Variants in WIPI2 observed in about 807,000 individuals in gnomAD.
The protein encoded by WIPI2 is WD repeat domain, phosphoinositide interacting 2, also known as WD repeat domain phosphoinositide-interacting protein 2.
Under a neutral mutation model 52.3 loss-of-function variants are expected in WIPI2, and 28 were observed. That is an observed-to-expected ratio of 0.54 (90% CI 0.40 to 0.73). The LOEUF (loss-of-function observed/expected upper bound fraction) is 0.73. Among genes scored for constraint, WIPI2 ranks in the 30% least tolerant of loss-of-function variants. The pLI, the probability that WIPI2 is intolerant of heterozygous loss-of-function variation, is 0.00. For missense variants in WIPI2, 506 were observed against 602.9 expected, an observed-to-expected ratio of 0.84 and a Z score of 1.68; for synonymous variants, 268 against 245.0, an observed-to-expected ratio of 1.09 and a Z score of -0.88.
intron 8 of WIPI2, chr7:5,222,900 G>C (rs1783214354): frequency 2.2e-6 from 1 of 456,232 alleles, no homozygotes; most frequent in Non-Finnish European, 4.0e-6. Context: ...GCTAGCGTGA[G>C]AGTTGTGAAG....
At chr7:5,225,679 G>T (rs1783393190) in intron 8 of WIPI2, 144 bp from the exon 9 acceptor site, 6 of 597,406 alleles carry the variant, frequency 1.0e-5, no homozygotes, top group Middle Eastern at 4.3e-4. Context: ...CAAGGAAAAT[G>T]TTTGAGAAGG....
chr7:5,201,862 A>G (rs949815360), intron 3 of WIPI2, among the ~76,000 whole-genome samples: 2 of 152,238 alleles, frequency 1.3e-5, no homozygotes, highest in African/African-American at 2.4e-5. Context: ...TGAAATGGAC[A>G]AAGAATGTTT....
At chr7:5,226,180 C>A in intron 9 of WIPI2, 1 of 464,256 alleles carries the variant, frequency 2.2e-6, no homozygotes. Flanking sequence ...GCATGGAGGG[C>A]CCAGGTGGAC....
intron 3 of WIPI2, 174 bp from the exon 4 acceptor site, chr7:5,214,361 C>A: frequency 6.3e-7 from 1 of 1,590,720 alleles, no homozygotes; most frequent in Non-Finnish European, 8.5e-7. Context: ...TCCAGCGAAT[C>A]AAGACCCTCA....
At chr7:5,204,723 G>A (rs1443536561) in intron 3 of WIPI2, among the ~76,000 whole-genome samples, 1 of 151,454 alleles carries the variant, frequency 6.6e-6, no homozygotes, top group African/African-American at 2.4e-5. Flanking sequence ...ACAGGGTCTC[G>A]CTCTGTCACT....
intron 1 of WIPI2, chr7:5,190,772 C>G (rs1264937003): frequency 6.4e-6 from 2 of 314,868 alleles, no homozygotes; most frequent in African/African-American, 4.4e-5. Flanking sequence ...TGGCTTCAGA[C>G]TTAACTACTT....
At chr7:5,228,299 C>G in intron 11 of WIPI2, 88 bp downstream of exon 11, 2 of 1,249,368 alleles carry the variant, frequency 1.6e-6, no homozygotes, top group Non-Finnish European at 2.2e-6. Flanking sequence ...TATTTCCTTG[C>G]AAACCAGTGA....
At chr7:5,204,312 T>C (rs541947434) in intron 3 of WIPI2, among the ~76,000 whole-genome samples, 30 of 152,076 alleles carry the variant, frequency 2.0e-4, no homozygotes, top group African/African-American at 6.7e-4. Context: ...ACTAAAAATA[T>C]AAAAATTAGC....
rs200878846 is a variant in WIPI2, at chr7:5,199,683, C to T, written c.211+25C>T. 4.5e-6 allele frequency: 7 copies of T among 1,546,916 alleles called. No homozygotes were observed. In the Admixed American group the frequency reaches 8.8e-5, roughly 20 times the overall value. ...AGTAAGTGTTTGCTTTATTTTTCCC[C>T]TTCTTAAAAAAAAAAAAAAAAGTTG... On this transcript the variant is annotated intron_variant, in intron 3 of 12. Transcript: ENST00000288828.
At chr7:5,216,898 T>G in intron 5 of WIPI2, 192 bp from the exon 6 acceptor site, 1 of 710,850 alleles carries the variant, frequency 1.4e-6, no homozygotes, top group Non-Finnish European at 2.3e-6. Context: ...GCCTTTAATC[T>G]CTTGACAATA....
At chr7:5,226,496 A>AT (rs1783440761) in intron 9 of WIPI2, 2 of 154,754 alleles carry the variant, frequency 1.3e-5, no homozygotes, top group African/African-American at 4.8e-5. Context: ...ACCTGGGACT[A>AT]TAGGCGTGCA....
intron 11 of WIPI2, among the ~76,000 whole-genome samples, 162 bp downstream of exon 11, chr7:5,228,373 G>A (rs561792970): frequency 6.4e-4 from 98 of 152,384 alleles, no homozygotes; most frequent in African/African-American, 2.0e-3. Context: ...CGCTTTCCCA[G>A]GTGAAATCAA....
At chr7:5,218,147 C>T (rs760102895) in intron 7 of WIPI2, 133 bp downstream of exon 7, 36 of 888,056 alleles carry the variant, frequency 4.1e-5, no homozygotes, top group Non-Finnish European at 6.1e-5. Context: ...CAGCCACCCA[C>T]TTGTCAGGCC....
intron 3 of WIPI2, among the ~76,000 whole-genome samples, chr7:5,200,479 C>A (rs1781967200): frequency 6.6e-6 from 1 of 152,136 alleles, no homozygotes; most frequent in African/African-American, 2.4e-5. Context: ...GGGATATTGA[C>A]ATCCACCTCT....
At chr7:5,190,588 G>A in intron 1 of WIPI2, 95 bp downstream of exon 1, 1 of 1,233,062 alleles carries the variant, frequency 8.1e-7, no homozygotes, top group Non-Finnish European at 1.0e-6. Context: ...GGCGTCGCAG[G>A]CTCGGCCTCC....
At chr7:5,198,962 A>T (rs1438884670) in intron 2 of WIPI2, among the ~76,000 whole-genome samples, 1 of 152,232 alleles carries the variant, frequency 6.6e-6, no homozygotes, top group African/African-American at 2.4e-5. Flanking sequence ...TTTCAAGCAC[A>T]CAATACCTTA....
intron 5 of WIPI2, 140 bp downstream of exon 5, chr7:5,216,799 CT>C: frequency 1.2e-6 from 1 of 822,220 alleles, no homozygotes; most frequent in South Asian, 1.8e-5. Context: ...ACCAAGCTGC[CT>C]TCCTACTGAT....
chr7:5,227,114 G>T lies in WIPI2; in HGVS notation c.849-66G>T. ...CGGCTCCAGAGCTGTGCGTCTGTGT[G>T]AGTAGGGGGTGGCCGTCCCCCCAGG... is the stretch of plus-strand genomic sequence containing the variant. On this transcript the variant is annotated intron_variant, in intron 9 of 12. Transcript: ENST00000288828. The surrounding 1 kb of genome is among the most constrained non-coding windows in gnomAD (Gnocchi z 8.1). 6.3e-7 allele frequency: 1 copy of T among 1,595,398 alleles called. No individual in the cohort carries two copies. Among genetic ancestry groups the T allele is most frequent in the South Asian group, 1.1e-5 (1 of 89,556 alleles).
At chr7:5,229,385 T>C in intron 11 of WIPI2, 1 of 427,154 alleles carries the variant, frequency 2.3e-6, no homozygotes, top group South Asian at 3.6e-5. Flanking sequence ...AGTGAAATAT[T>C]GTCTTGTTAG....
Sources: gnomAD v4.1 joint callset for allele counts (sites outside exome capture counted in the v4.1 genomes callset) on GRCh38, gnomAD v4.1.1 for gene constraint, Gnocchi (gnomAD v3.1) non-coding constraint, MANE v1.5 for transcripts, NCBI Gene and HGNC (gene_info 2026-07-23, HGNC 2026-07-21) for gene names.